The following SLIT3 variants were observed in gnomAD, a reference collection of about 807,000 sequenced individuals.
The protein encoded by SLIT3 is slit homolog 3 protein.
A neutral mutation model predicts 184.0 loss-of-function variants in SLIT3; 68 were observed. The ratio of observed to expected loss-of-function variants is 0.37; its 90% CI spans 0.30 to 0.45. The LOEUF is 0.45. SLIT3 is among the 20% of genes least tolerant of loss of function. The probability of loss-of-function intolerance (pLI) is 1.00; values close to 1 mark genes in which losing one functional copy is unlikely to be tolerated. For missense variants in SLIT3, 1,707 were observed against 2,026.0 expected, an observed-to-expected ratio of 0.84 and a Z score of 3.02; for synonymous variants, 831 against 828.6, an observed-to-expected ratio of 1.00 and a Z score of -0.05.
At chr5:169,051,665 A>G (rs1454755186) in intron 4 of SLIT3, among the ~76,000 whole-genome samples, 3 of 152,190 alleles carry the variant, frequency 2.0e-5, no homozygotes, top group Non-Finnish European at 4.4e-5. Context: ...CAGCTTTTGT[A>G]TGGGCAAAGA....
chr5:168,830,688 C>G (rs796997577), intron 6 of SLIT3, among the ~76,000 whole-genome samples: 6 of 152,356 alleles, frequency 3.9e-5, no homozygotes, highest in African/African-American at 1.4e-4. Flanking sequence ...GATATTATTA[C>G]TTCCACTTGG....
At chr5:168,938,327 CA>C (rs1443907890) in intron 4 of SLIT3, among the ~76,000 whole-genome samples, 1 of 152,200 alleles carries the variant, frequency 6.6e-6, no homozygotes, top group Non-Finnish European at 1.5e-5. Context: ...CTAACTTTCA[CA>C]GAGAATGTTT....
chr5:168,701,134 GAA>G (rs1762201111), intron 26 of SLIT3, among the ~76,000 whole-genome samples: 1 of 152,168 alleles, frequency 6.6e-6, no homozygotes, highest in South Asian at 2.1e-4. Flanking sequence ...TTCATGTAAG[GAA>G]AAGTTTCATG....
chr5:169,187,012 A>AT (rs10600631), intron 4 of SLIT3, among the ~76,000 whole-genome samples: 2,128 of 147,798 alleles, frequency 0.014, 39 homozygotes, highest in African/African-American at 0.041. Context: ...CCTCAGTGGC[A>AT]TTTTTTTTTT....
chr5:169,159,528 C>A (rs1762408589), intron 4 of SLIT3, among the ~76,000 whole-genome samples: 1 of 138,384 alleles, frequency 7.2e-6, no homozygotes, highest in Non-Finnish European at 1.7e-5. Context: ...GTAATCCCAG[C>A]ACTTTGGGAG....
At chr5:169,291,642 ATTC>A (rs1410798969) in intron 1 of SLIT3, among the ~76,000 whole-genome samples, 2 of 152,234 alleles carry the variant, frequency 1.3e-5, no homozygotes, top group Admixed American at 6.5e-5. Flanking sequence ...CATCATTGAC[ATTC>A]TTCTTGATGC....
chr5:168,969,338 T>G (rs1485554711), intron 4 of SLIT3, among the ~76,000 whole-genome samples: 1 of 152,216 alleles, frequency 6.6e-6, no homozygotes, highest in Non-Finnish European at 1.5e-5. Context: ...GTTTTTGGCT[T>G]TAATTTTCTC....
intron 4 of SLIT3, among the ~76,000 whole-genome samples, chr5:168,916,609 C>A (rs1761443915): frequency 6.6e-6 from 1 of 152,152 alleles, no homozygotes. Flanking sequence ...GGCTCCTTGC[C>A]CAGAGGATTA....
At chr5:168,735,016 A>G (rs1309146519) in intron 20 of SLIT3, among the ~76,000 whole-genome samples, 2 of 152,146 alleles carry the variant, frequency 1.3e-5, no homozygotes, top group East Asian at 3.9e-4. Context: ...TCTTTGTAGC[A>G]GGCCCTTCAT....
intron 4 of SLIT3, among the ~76,000 whole-genome samples, chr5:169,147,401 T>G (rs1399947051): frequency 6.6e-6 from 1 of 152,176 alleles, no homozygotes; most frequent in Non-Finnish European, 1.5e-5. Context: ...CCTGAGCAGC[T>G]GTGACTATGG....
intron 4 of SLIT3, among the ~76,000 whole-genome samples, chr5:169,148,334 G>A (rs1761999139): frequency 6.6e-6 from 1 of 152,174 alleles, no homozygotes; most frequent in South Asian, 2.1e-4. Flanking sequence ...GCTGCTCAGA[G>A]CTCTTTTTAA....
chr5:168,733,835 C>T (rs1359246493), intron 20 of SLIT3, among the ~76,000 whole-genome samples: 1 of 150,324 alleles, frequency 6.7e-6, no homozygotes, highest in Non-Finnish European at 1.5e-5. Flanking sequence ...TATCTATATA[C>T]ATTGAATACT....
chr5:168,785,157 TC>T (rs1479241998), intron 12 of SLIT3, among the ~76,000 whole-genome samples: 2 of 149,200 alleles, frequency 1.3e-5, no homozygotes, highest in African/African-American at 5.0e-5. Context: ...ACACACACAC[TC>T]CCACACCCAT....
intron 4 of SLIT3, among the ~76,000 whole-genome samples, chr5:169,084,675 A>C (rs955243846): frequency 6.6e-6 from 1 of 152,130 alleles, no homozygotes; most frequent in African/African-American, 2.4e-5. Flanking sequence ...AAAACCAAAA[A>C]CCAGAAGCTG....
intron 4 of SLIT3, among the ~76,000 whole-genome samples, chr5:169,101,411 T>A (rs1331731870): frequency 6.6e-6 from 1 of 152,288 alleles, no homozygotes; most frequent in Non-Finnish European, 1.5e-5. Context: ...CTCATTCACA[T>A]TGAAGTGTGT....
Position 169,065,494 on chromosome 5 carries a change from C to T in SLIT3, c.413+127985G>A, listed in dbSNP as rs145175492. Among the ~76,000 whole-genome samples, 414 of 152,008 alleles carry T rather than the reference C, an allele frequency of 2.7e-3. 4 individuals carry two copies. In the East Asian group the frequency reaches 0.045, roughly 17 times the overall value. On this transcript the variant is annotated intron_variant, in intron 4 of 35. Transcript: ENST00000519560. ...AGTTGAGCCCACGTCCTGGTGTCCC[C>T]AGAAGTTCTATACTTGTCTCTCTGG... is the stretch of plus-strand genomic sequence containing the variant.
intron 3 of SLIT3, among the ~76,000 whole-genome samples, chr5:169,224,360 T>C (rs1033055279): frequency 2.9e-5 from 4 of 139,046 alleles, no homozygotes; most frequent in Non-Finnish European, 4.7e-5. Flanking sequence ...CCATTTAAAA[T>C]TTTTTATTAT....
intron 4 of SLIT3, among the ~76,000 whole-genome samples, chr5:169,010,700 G>A (rs112833007): frequency 0.011 from 1,696 of 152,104 alleles, 32 homozygotes; most frequent in African/African-American, 0.039. Flanking sequence ...TCAGGAGTTC[G>A]AGACCAGCCT....
At chr5:169,163,950 G>C (rs1762555276) in intron 4 of SLIT3, among the ~76,000 whole-genome samples, 1 of 152,148 alleles carries the variant, frequency 6.6e-6, no homozygotes, top group African/African-American at 2.4e-5. Flanking sequence ...CAGTGAGAAT[G>C]TCCATGGGGC....
Sources: allele counts gnomAD v4.1 joint callset (sites outside exome capture counted in the v4.1 genomes callset), GRCh38; gene constraint gnomAD v4.1.1; transcripts MANE v1.5; gene names NCBI Gene and HGNC (gene_info 2026-07-23, HGNC 2026-07-21).